Variants in GTF2B observed in about 807,000 individuals in gnomAD.
GTF2B encodes the protein general transcription factor IIB.
A neutral mutation model predicts 34.6 loss-of-function variants in GTF2B; 20 were observed. The observed-to-expected ratio is 0.58, with a 90% CI of 0.41 to 0.84. GTF2B has a LOEUF of 0.84. Among genes scored for constraint, GTF2B ranks in the 40% least tolerant of loss-of-function variants. The pLI, the probability that GTF2B is intolerant of heterozygous loss-of-function variation, is 0.00. For synonymous variants in GTF2B, 142 were observed against 132.4 expected, an observed-to-expected ratio of 1.07 and a Z score of -0.50; for missense variants, 237 against 393.3, an observed-to-expected ratio of 0.60 and a Z score of 3.36.
chr1:88,878,033 C>A (rs1205940437), intron 2 of GTF2B, among the ~76,000 whole-genome samples: 1 of 152,188 alleles, frequency 6.6e-6, no homozygotes, highest in Admixed American at 6.5e-5. Context: ...TTTTGGGAGG[C>A]CAAGGCGGGT....
At chr1:88,883,510 T>G (rs1256605467) in intron 2 of GTF2B, among the ~76,000 whole-genome samples, 1 of 151,852 alleles carries the variant, frequency 6.6e-6, no homozygotes, top group Non-Finnish European at 1.5e-5. Flanking sequence ...AGGCCAGGGT[T>G]CAAGACTAGT....
intron 2 of GTF2B, among the ~76,000 whole-genome samples, chr1:88,884,413 A>G (rs1398284984): frequency 6.6e-6 from 1 of 152,170 alleles, no homozygotes; most frequent in Non-Finnish European, 1.5e-5. Context: ...ACCTGAGCTA[A>G]TTTGCCTTAA....
intron 2 of GTF2B, among the ~76,000 whole-genome samples, chr1:88,866,218 T>G (rs185494090): frequency 7.2e-4 from 108 of 150,234 alleles, no homozygotes; most frequent in South Asian, 6.3e-4. Context: ...CAAAAACAAA[T>G]TAGCTGGGCG....
chr1:88,867,854 T>C (rs1002146783), intron 2 of GTF2B, among the ~76,000 whole-genome samples: 1 of 152,164 alleles, frequency 6.6e-6, no homozygotes, highest in Non-Finnish European at 1.5e-5. Flanking sequence ...AGCGCAACAC[T>C]GGGTGGTGAT....
chr1:88,864,130 C>T lies in GTF2B; in HGVS notation c.125-16G>A. On this transcript the variant is annotated splice_polypyrimidine_tract_variant and intron_variant, in intron 2 of 6. Coordinates refer to ENST00000370500, the MANE Select transcript of GTF2B (RefSeq NM_001514.6). ...ACCCGGTCACCTAAGAATATAAGCACATATCTGAATCATTTTGTCAAGATA... is the reference window on the plus strand; with the variant it reads ...ACCCGGTCACCTAAGAATATAAGCATATATCTGAATCATTTTGTCAAGATA... The T allele has an allele frequency of 6.2e-7, 1 of 1,613,174 alleles. No homozygotes were observed.
At chr1:88,861,382 A>C (rs1673437220) in intron 3 of GTF2B, among the ~76,000 whole-genome samples, 1 of 152,254 alleles carries the variant, frequency 6.6e-6, no homozygotes, top group African/African-American at 2.4e-5. Context: ...ATTAAAAAAC[A>C]GGCCAGGCGC....
chr1:88,855,993 T>C (rs575897770), intron 6 of GTF2B, among the ~76,000 whole-genome samples: 3 of 152,212 alleles, frequency 2.0e-5, no homozygotes, highest in South Asian at 2.1e-4. Context: ...TAGTGGGCCA[T>C]GTGTGGTGGC....
intron 2 of GTF2B, among the ~76,000 whole-genome samples, chr1:88,869,429 A>C (rs1004053753): frequency 3.9e-5 from 6 of 152,232 alleles, no homozygotes; most frequent in Non-Finnish European, 8.8e-5. Flanking sequence ...CTACTGATAT[A>C]TGCAACAACA....
At chr1:88,856,992 G>C (rs1673327903) in intron 6 of GTF2B, among the ~76,000 whole-genome samples, 1 of 151,862 alleles carries the variant, frequency 6.6e-6, no homozygotes, top group Non-Finnish European at 1.5e-5. Flanking sequence ...GTAGAGATGG[G>C]GTTTCACCAT....
intron 3 of GTF2B, among the ~76,000 whole-genome samples, chr1:88,863,018 T>C (rs1370793441): frequency 2.6e-5 from 4 of 151,482 alleles, no homozygotes; most frequent in African/African-American, 7.3e-5. Flanking sequence ...AAATGGTGTA[T>C]ACTTCCTTGA....
intron 2 of GTF2B, among the ~76,000 whole-genome samples, chr1:88,884,818 C>T (rs1674025585): frequency 6.6e-6 from 1 of 152,130 alleles, no homozygotes; most frequent in South Asian, 2.1e-4. Flanking sequence ...CAATGTTTTG[C>T]CATCTAATTC....
At chr1:88,862,616 G>A (rs1673463320) in intron 3 of GTF2B, among the ~76,000 whole-genome samples, 1 of 152,120 alleles carries the variant, frequency 6.6e-6, no homozygotes, top group South Asian at 2.1e-4. Flanking sequence ...GGGTGCCTGA[G>A]GCGGGAGGAC....
intron 2 of GTF2B, among the ~76,000 whole-genome samples, chr1:88,873,187 T>TTC (rs1673738722): frequency 7.1e-6 from 1 of 140,392 alleles, no homozygotes; most frequent in African/African-American, 2.7e-5. Flanking sequence ...ATTAAGTTTT[T>TTC]TTTTTTTTTT....
Position 88,857,486 on chromosome 1 carries a change from T to C in GTF2B, c.537A>G (p.Glu179=). Reference sequence around the variant, plus strand: ...TAGAAATTCGTGATACGGCACATATTTCTAAAAGAAAAAAAATTAAATAAA... The same window carrying C: ...TAGAAATTCGTGATACGGCACATATCTCTAAAAGAAAAAAAATTAAATAAA... ...RQEGVPRTFK[E]ICAVSRISKK... Residue 179 remains glutamate (E), a splice_region_variant and synonymous_variant, in exon 6 of 7, where the codon GAA becomes GAG. Transcript: ENST00000370500. 6.5e-7 allele frequency: 1 copy of C among 1,526,810 alleles called. No individual in the cohort carries two copies. The highest frequency in any genetic ancestry group is 9.0e-7 in the Non-Finnish European group (1 of 1,108,098). The allele number at this position is 1,526,810 out of a possible 1,614,324, so 94.6% of individuals were successfully genotyped here. A position where few individuals can be genotyped will look rare whatever the true frequency, so the allele number is the denominator to read the frequency against.
At chr1:88,885,233 G>A (rs1291327948) in intron 2 of GTF2B, among the ~76,000 whole-genome samples, 2 of 152,132 alleles carry the variant, frequency 1.3e-5, no homozygotes, top group Admixed American at 6.6e-5. Context: ...GAGGTCAGGA[G>A]TTCAAGACCA....
chr1:88,867,457 C>T (rs1673587600), intron 2 of GTF2B, among the ~76,000 whole-genome samples: 2 of 152,142 alleles, frequency 1.3e-5, no homozygotes, highest in South Asian at 4.1e-4. Flanking sequence ...AAAAGACAAT[C>T]TAACTTTCCT....
In GTF2B at chr1:88,888,884, G is replaced by T. The variant is rs10922499; in HGVS notation, c.18-1517C>A. Among the ~76,000 whole-genome samples the T allele has an allele frequency of 2.5e-3, 377 of 152,308 alleles. 2 individuals are homozygous for T. Among genetic ancestry groups the T allele is most frequent in the African/African-American group, 8.9e-3 (370 of 41,576 alleles). On this transcript the variant is annotated intron_variant, in intron 1 of 6. Transcript: ENST00000370500. The stretch of plus-strand genomic sequence containing the variant: ...AAATCAGGATGTGGTTTTCTCAAAG[G>T]AGGGGGAATGACTGAGGACAGAGAC...
chr1:88,865,086 C>T (rs565330397), intron 2 of GTF2B, among the ~76,000 whole-genome samples: 11 of 152,212 alleles, frequency 7.2e-5, no homozygotes, highest in South Asian at 2.1e-4. Flanking sequence ...AAGAAACAAA[C>T]GGCAGAAACC....
intron 2 of GTF2B, among the ~76,000 whole-genome samples, chr1:88,869,320 C>A (rs955288914): frequency 6.6e-6 from 1 of 152,140 alleles, no homozygotes; most frequent in African/African-American, 2.4e-5. Context: ...TGGAACCAGT[C>A]CCCCACAGAT....
Sources: allele counts gnomAD v4.1 joint callset (sites outside exome capture counted in the v4.1 genomes callset), GRCh38; gene constraint gnomAD v4.1.1; transcripts MANE v1.5; gene names NCBI Gene and HGNC (gene_info 2026-07-23, HGNC 2026-07-21).